ETV6: variants seen among roughly 807,000 people sequenced by gnomAD.
ETV6 encodes the protein transcription factor ETV6.
ETV6 carries 16 observed loss-of-function variants against 51.1 expected under a neutral mutation model. That is an observed-to-expected ratio of 0.31 (90% confidence interval 0.21 to 0.48). The LOEUF (loss-of-function observed/expected upper bound fraction) is 0.48, where lower values mean the gene tolerates loss of function less well. Ranked by LOEUF, ETV6 falls within the 20% of genes least tolerant of loss-of-function variation. ETV6 has a pLI of 0.99. For missense variants in ETV6, 458 were observed against 594.8 expected (o/e 0.77, Z 2.39); for synonymous variants, 240 against 224.1 (o/e 1.07, Z -0.64).
At chr12:11,656,801 G>C (rs1864007748) in intron 1 of ETV6, among the ~76,000 whole-genome samples, 1 of 151,764 alleles carries the variant, frequency 6.6e-6, no homozygotes, top group South Asian at 2.1e-4. Flanking sequence ...TTACTTCCTG[G>C]TCAGTTGCTT....
intron 1 of ETV6, among the ~76,000 whole-genome samples, chr12:11,720,236 T>C (rs952135793): frequency 6.6e-6 from 1 of 152,156 alleles, no homozygotes; most frequent in Non-Finnish European, 1.5e-5. Flanking sequence ...AGCACAGTCA[T>C]CTCCCTAATA....
chr12:11,729,423 G>A (rs574090512), intron 1 of ETV6, among the ~76,000 whole-genome samples: 2 of 152,294 alleles, frequency 1.3e-5, no homozygotes, highest in Non-Finnish European at 2.9e-5. Context: ...GATCAGGTGG[G>A]GGGGACTGGG....
At chr12:11,701,952 G>A (rs183711596) in intron 1 of ETV6, among the ~76,000 whole-genome samples, 21 of 152,316 alleles carry the variant, frequency 1.4e-4, no homozygotes, top group Admixed American at 4.6e-4. Flanking sequence ...TGGAAGAATC[G>A]CAAGGACAGC....
intron 1 of ETV6, among the ~76,000 whole-genome samples, chr12:11,719,097 C>T (rs762877508): frequency 6.6e-6 from 1 of 152,230 alleles, no homozygotes; most frequent in Non-Finnish European, 1.5e-5. Context: ...GCTGTTGAAG[C>T]TGCCCAGGGA....
At position 11,893,291 on chromosome 12, in the gene ETV6, C is replaced by G. The variant is rs1489153852; in HGVS notation, c.*2245C>G. 8.6e-6 allele frequency: 2 copies of G among 232,512 alleles called. No individual in the cohort carries two copies. Among genetic ancestry groups the G allele is most frequent in the African/African-American group, 2.2e-5 (1 of 45,274 alleles). The allele number at this position is 232,512 out of a possible 1,614,324, so 14.4% of individuals were successfully genotyped here. On this transcript the variant is annotated 3_prime_UTR_variant, in exon 8 of 8. Transcript: ENST00000396373. Reference sequence around the variant, plus strand: ...AATCAGAGACCAGGGCATGATGTTGCTAGGATTAGAGCCTCTCAGTCTGGC... The same window carrying G: ...AATCAGAGACCAGGGCATGATGTTGGTAGGATTAGAGCCTCTCAGTCTGGC...
chr12:11,826,709 G>A (rs565577122), intron 2 of ETV6, among the ~76,000 whole-genome samples: 8 of 152,114 alleles, frequency 5.3e-5, no homozygotes, highest in Non-Finnish European at 1.0e-4. Context: ...ATCCCAGGTG[G>A]GGTGACAGAG....
intron 1 of ETV6, among the ~76,000 whole-genome samples, chr12:11,741,714 G>T (rs1298666112): frequency 6.6e-6 from 1 of 152,204 alleles, no homozygotes; most frequent in African/African-American, 2.4e-5. Flanking sequence ...TATGGTTAAA[G>T]GTAGGACAGT....
At chr12:11,710,086 A>C (rs767083988) in intron 1 of ETV6, among the ~76,000 whole-genome samples, 1 of 152,228 alleles carries the variant, frequency 6.6e-6, no homozygotes, top group Non-Finnish European at 1.5e-5. Flanking sequence ...TATTAGGCGC[A>C]TATCAGAAAG....
intron 2 of ETV6, among the ~76,000 whole-genome samples, chr12:11,829,540 GC>G (rs1194484933): frequency 6.6e-6 from 1 of 152,170 alleles, no homozygotes; most frequent in Non-Finnish European, 1.5e-5. Flanking sequence ...CTACCCAGAA[GC>G]AAAAATGAGA....
intron 3 of ETV6, among the ~76,000 whole-genome samples, chr12:11,850,618 C>T (rs1591719095): frequency 6.6e-6 from 1 of 152,188 alleles, no homozygotes; most frequent in African/African-American, 2.4e-5. Context: ...CTGTTTGCCT[C>T]ACGCCATGAT....
chr12:11,888,272 G>A (rs974225432), intron 7 of ETV6, among the ~76,000 whole-genome samples: 6 of 152,080 alleles, frequency 3.9e-5, no homozygotes, highest in African/African-American at 1.4e-4. Flanking sequence ...TCAACCTCAA[G>A]TCTGTTGCCC....
At chr12:11,856,371 A>G (rs1380395056) in intron 4 of ETV6, among the ~76,000 whole-genome samples, 1 of 152,240 alleles carries the variant, frequency 6.6e-6, no homozygotes, top group Non-Finnish European at 1.5e-5. Flanking sequence ...CTTCAGACCC[A>G]GCTCTTAAAA....
In ETV6 at chr12:11,865,245, C is replaced by T. The variant is rs575117181; in HGVS notation, c.464-4179C>T. ...CAGCCTGGGTGAAAGAGCGAGACTC[C>T]GTCTCAAAAAAAAAAAAAAAAAAAT... is the stretch of plus-strand genomic sequence containing the variant. On this transcript the variant is annotated intron_variant, in intron 4 of 7. Coordinates refer to ENST00000396373, the MANE Select transcript of ETV6 (RefSeq NM_001987.5). Among the ~76,000 whole-genome samples, 69 of 128,402 alleles carry T rather than the reference C, an allele frequency of 5.4e-4. 1 individual carries two copies. Among genetic ancestry groups the T allele is most frequent in the South Asian group, 5.2e-3 (21 of 4,044 alleles). 84.2% of individuals were successfully genotyped at this position (128,402 alleles called of 152,430 possible). A position where few individuals can be genotyped will look rare whatever the true frequency, so the allele number is the denominator to read the frequency against.
chr12:11,822,400 C>T (rs935668320), intron 2 of ETV6, among the ~76,000 whole-genome samples: 12 of 152,220 alleles, frequency 7.9e-5, no homozygotes, highest in African/African-American at 2.7e-4. Flanking sequence ...CTCCCGCATA[C>T]GTCCCCTTTC....
At chr12:11,651,801 G>A (rs1171380645) in intron 1 of ETV6, among the ~76,000 whole-genome samples, 2 of 152,144 alleles carry the variant, frequency 1.3e-5, no homozygotes, top group Non-Finnish European at 2.9e-5. Flanking sequence ...CCGACATCAG[G>A]AAAATCTGCC....
chr12:11,867,790 G>A (rs1470698217), intron 4 of ETV6, among the ~76,000 whole-genome samples: 1 of 152,216 alleles, frequency 6.6e-6, no homozygotes, highest in Admixed American at 6.5e-5. Flanking sequence ...CAGCAAGCAT[G>A]CACATCCTTT....
chr12:11,672,288 C>T (rs1398893976), intron 1 of ETV6, among the ~76,000 whole-genome samples: 1 of 152,080 alleles, frequency 6.6e-6, no homozygotes, highest in Non-Finnish European at 1.5e-5. Context: ...CCCTGAACAC[C>T]AGTATATGAA....
At chr12:11,805,629 G>C (rs926866657) in intron 2 of ETV6, among the ~76,000 whole-genome samples, 11 of 152,220 alleles carry the variant, frequency 7.2e-5, no homozygotes, top group Non-Finnish European at 1.5e-4. Flanking sequence ...GGGGAACAGA[G>C]CCTGTGAAGG....
At chr12:11,850,667 C>T (rs761501424) in intron 3 of ETV6, among the ~76,000 whole-genome samples, 28 of 152,222 alleles carry the variant, frequency 1.8e-4, no homozygotes, top group Admixed American at 3.3e-4. Flanking sequence ...ATCGTTACAA[C>T]GATCTCACAA....
Sources: gnomAD v4.1 joint callset for allele counts (sites outside exome capture counted in the v4.1 genomes callset) on GRCh38, gnomAD v4.1.1 for gene constraint, MANE v1.5 for transcripts, NCBI Gene and HGNC (gene_info 2026-07-23, HGNC 2026-07-21) for gene names.